Variants in TRANK1 observed in about 807,000 individuals in gnomAD.
The protein encoded by TRANK1 is TPR and ankyrin repeat-containing protein 1.
A neutral mutation model predicts 266.0 loss-of-function variants in TRANK1; 198 were observed. The ratio of observed to expected loss-of-function variants is 0.74; its 90% CI spans 0.66 to 0.84. The LOEUF (loss-of-function observed/expected upper bound fraction) is 0.84. Among genes scored for constraint, TRANK1 ranks in the 40% least tolerant of loss-of-function variants. The pLI is 0.00. For synonymous variants in TRANK1, 1,396 were observed against 1,384.1 expected (o/e 1.01, Z -0.19); for missense variants, 3,326 against 3,634.6 (o/e 0.92, Z 2.18).
At chr3:36,916,973 G>C (rs955185637) in intron 1 of TRANK1, among the ~76,000 whole-genome samples, 1 of 151,794 alleles carries the variant, frequency 6.6e-6, no homozygotes, top group Non-Finnish European at 1.5e-5. Flanking sequence ...ACACCACCAC[G>C]CCTGGCTAAT....
In TRANK1 at chr3:36,831,066, T is replaced by A; in HGVS notation, c.8517A>T (p.Glu2839Asp). Reference protein sequence around the residue: ...RQQVAYQKYSEFFHEKVDPAI... With the variant: ...RQQVAYQKYSDFFHEKVDPAI... The stretch of plus-strand genomic sequence containing the variant: ...CCGGGTCCACCTTCTCGTGGAAAAA[T>A]TCTGAGTATTTCTGGTAGGCCACTT... The change falls in exon 22 of 24, where the codon GAA becomes GAT. Residue 2839 changes from glutamate (E) to aspartate (D), a missense_variant. Physicochemically the swap from Glu to Asp is conservative, Grantham distance 45. Transcript: ENST00000645898. This position sits in a 1 kb window ranked among gnomAD's most constrained non-coding sequence, Gnocchi z 5.0. 6.2e-7 allele frequency: 1 copy of A among 1,613,862 alleles called. No homozygotes were observed. The highest frequency in any genetic ancestry group is 8.5e-7 in the Non-Finnish European group (1 of 1,179,870).
At chr3:36,931,856 G>A (rs1359078671) in intron 1 of TRANK1, among the ~76,000 whole-genome samples, 1 of 152,214 alleles carries the variant, frequency 6.6e-6, no homozygotes, top group African/African-American at 2.4e-5. Flanking sequence ...TGAGGTTACA[G>A]TGAGCTATGA....
Position 36,852,193 on chromosome 3 carries a change from G to A in TRANK1, c.4702C>T (p.Arg1568Ter), listed in dbSNP as rs749821304. ...CSVSDLAILL[R>*]GNKRKTQPIE... is the part of the protein sequence containing the mutation. ...GGCTGAGTTTTCCTTTTATTCCCTC[G>A]TAGCAAAATTGCCAAGTCGCTTACA... is the stretch of plus-strand genomic sequence containing the variant. Residue 1568 changes from arginine to a stop codon, truncating the protein, a stop_gained, in exon 14 of 24, where the codon CGA (arginine) becomes TGA (stop). Coordinates refer to ENST00000645898, the MANE Select transcript of TRANK1 (RefSeq NM_001329998.2). LOFTEE classifies it high-confidence loss of function. The A allele has an allele frequency of 9.9e-6, 16 of 1,608,364 alleles. No homozygotes were observed. The highest frequency in any genetic ancestry group is 1.1e-5 in the South Asian group (1 of 89,508).
chr3:36,890,105 G>A, intron 7 of TRANK1, 145 bp from the exon 8 acceptor site: 1 of 1,092,646 alleles, frequency 9.2e-7, no homozygotes, highest in Non-Finnish European at 1.3e-6. Context: ...AACCAAATGA[G>A]GAATCCAACA....
chr3:36,901,782 G>T (rs1224408824), intron 3 of TRANK1, among the ~76,000 whole-genome samples: 1 of 152,158 alleles, frequency 6.6e-6, no homozygotes, highest in Non-Finnish European at 1.5e-5. Flanking sequence ...AAGTGGCCCT[G>T]GTTGCTGTGC....
At chr3:36,943,720 C>T (rs1012436223) in intron 1 of TRANK1, among the ~76,000 whole-genome samples, 1 of 151,680 alleles carries the variant, frequency 6.6e-6, no homozygotes, top group Non-Finnish European at 1.5e-5. Flanking sequence ...ACCCAAAACG[C>T]TCAGCACGAG....
At chr3:36,923,670 C>T (rs1298000518) in intron 1 of TRANK1, among the ~76,000 whole-genome samples, 1 of 152,140 alleles carries the variant, frequency 6.6e-6, no homozygotes, top group Non-Finnish European at 1.5e-5. Flanking sequence ...AGGAAACTCT[C>T]TCCCCTCTCT....
At position 36,857,092 on chromosome 3, in the gene TRANK1, T is replaced by G. The variant is rs772921874; in HGVS notation, c.2630A>C (p.Lys877Thr). The change falls in exon 13 of 24, where the codon AAG (lysine) becomes ACG (threonine). Residue 877 changes from lysine to threonine, a missense_variant. Transcript: ENST00000645898. The surrounding 1 kb of genome is among the most constrained non-coding windows in gnomAD (Gnocchi z 4.3). ...GCTTCCTTTCAGGTGCTTCAGTCGC[T>G]TCTGCAGGCCCTGGGTCCACTCGCC... ...GNGEWTQGLQ[K>T]RLKHLKGSIQ... 6.2e-7 allele frequency: 1 copy of G among 1,613,924 alleles called. No individual in the cohort carries two copies. Among genetic ancestry groups the G allele is most frequent in the South Asian group, 1.1e-5 (1 of 91,088 alleles).
rs769997930 is a variant in TRANK1, at chr3:36,832,224, T to TA, written c.7358dup (p.Ala2454SerfsTer41). 6 of 1,614,006 alleles carry TA rather than the reference T, an allele frequency of 3.7e-6. No homozygotes were observed. The Admixed American group carries it at 8.3e-5, about 22-fold the overall frequency. ...GGATGAACTGGAACTCCAGGAGGGCTACTGTGTTTCCAATGCTGGGGATGA... is the reference window on the plus strand; with the variant it reads ...GGATGAACTGGAACTCCAGGAGGGCTAACTGTGTTTCCAATGCTGGGGATGA... On this transcript the variant is annotated frameshift_variant, in exon 22 of 24. Coordinates refer to ENST00000645898, the MANE Select transcript of TRANK1 (RefSeq NM_001329998.2). LOFTEE classifies it high-confidence loss of function.
At chr3:36,918,499 GAAAGAAAGAAAGAAA>G (rs2080159058) in intron 1 of TRANK1, among the ~76,000 whole-genome samples, 7 of 28,570 alleles carry the variant, frequency 2.5e-4, no homozygotes, top group South Asian at 1.1e-3. Context: ...AAGAAAGAAA[GAAAGAAAGAAAGAAA>G]GAAAGAAAGA....
In TRANK1 at chr3:36,880,033, C is replaced by T. The variant is rs193094434; in HGVS notation, c.908-5737G>A. ...ATGTAAACATGCAAATATATGTAAA[C>T]ATGCAAATATATGTAAACATACAAA... On this transcript the variant is annotated intron_variant, in intron 8 of 23. Coordinates refer to ENST00000645898, the MANE Select transcript of TRANK1 (RefSeq NM_001329998.2). 8.4e-5 allele frequency among the ~76,000 whole-genome samples: 3 copies of T among 35,576 alleles called. 1 individual carries two copies. The highest frequency in any genetic ancestry group is 3.0e-4 in the African/African-American group (2 of 6,624). The allele number at this position is 35,576 out of a possible 152,430, so 23.3% of individuals were successfully genotyped here.
chr3:36,943,547 C>T (rs894475048), intron 1 of TRANK1, among the ~76,000 whole-genome samples: 1 of 144,290 alleles, frequency 6.9e-6, no homozygotes, highest in African/African-American at 2.6e-5. Context: ...ACCTATCCTG[C>T]AATCCTACAA....
chr3:36,833,410 T>G lies in TRANK1; in HGVS notation c.6173A>C (p.His2058Pro). The change falls in exon 22 of 24, where the codon CAC (histidine) becomes CCC (proline). Residue 2058 changes from histidine to proline, a missense_variant. Transcript: ENST00000645898. ...DAFFKFDTLNHSAGVVEALYE... is the reference protein window; with the variant it reads ...DAFFKFDTLNPSAGVVEALYE... Reference sequence around the variant, plus strand: ...GAGTGCTTCCACCACTCCAGCTGAGTGGTTGAGCGTGTCAAACTTGAAGAA... The same window carrying G: ...GAGTGCTTCCACCACTCCAGCTGAGGGGTTGAGCGTGTCAAACTTGAAGAA... 4 of 1,613,780 alleles carry G rather than the reference T, an allele frequency of 2.5e-6. No individual in the cohort carries two copies. Among genetic ancestry groups the G allele is most frequent in the East Asian group, 4.5e-5 (2 of 44,866 alleles).
rs1432876190 is a variant in TRANK1, at chr3:36,879,742, A to AT, written c.908-5447_908-5446insA. 1.1e-4 allele frequency among the ~76,000 whole-genome samples: 12 copies of AT among 108,406 alleles called. 1 individual carries two copies. Among genetic ancestry groups the AT allele is most frequent in the African/African-American group, 4.9e-4 (12 of 24,340 alleles). 71.1% of individuals were successfully genotyped at this position (108,406 alleles called of 152,430 possible). A position where few individuals can be genotyped will look rare whatever the true frequency, so the allele number is the denominator to read the frequency against. The stretch of plus-strand genomic sequence containing the variant: ...AATATATAAATATATATAAATATAC[A>AT]AATATATAAATATATATAAATATAT... On this transcript the variant is annotated intron_variant, in intron 8 of 23. Coordinates refer to ENST00000645898, the MANE Select transcript of TRANK1 (RefSeq NM_001329998.2).
At chr3:36,905,952 T>A (rs911672275) in intron 2 of TRANK1, among the ~76,000 whole-genome samples, 2 of 152,094 alleles carry the variant, frequency 1.3e-5, no homozygotes, top group African/African-American at 2.4e-5. Context: ...GTCAGGAAGG[T>A]CCCACAAAAG....
In TRANK1 at chr3:36,855,757, G is replaced by T. The variant is rs752511688; in HGVS notation, c.3965C>A (p.Thr1322Lys). The T allele has an allele frequency of 3.7e-6, 6 of 1,613,500 alleles. No homozygotes were observed. The highest frequency in any genetic ancestry group is 5.1e-6 in the Non-Finnish European group (6 of 1,179,832). The change falls in exon 13 of 24, where the codon ACG (threonine) becomes AAG (lysine). Residue 1322 changes from threonine (T) to lysine (K), a missense_variant. By Grantham distance (78) the Thr-to-Lys change is moderately conservative. Transcript: ENST00000645898. ...TATTTCATTTTTGAACACCTCAAAC[G>T]TCACGTACACCCGGGGGTCACTGTC... The part of the protein sequence containing the change: ...TGDSDPRVYV[T>K]FEVFKNEIWP...
chr3:36,929,916 G>GTTA (rs1263683020), intron 1 of TRANK1, among the ~76,000 whole-genome samples: 2 of 151,746 alleles, frequency 1.3e-5, no homozygotes, highest in African/African-American at 4.9e-5. Flanking sequence ...TGTTGTTGTT[G>GTTA]TTGTTTTGAG....
intron 1 of TRANK1, among the ~76,000 whole-genome samples, chr3:36,914,342 C>T (rs992559107): frequency 6.6e-6 from 1 of 151,842 alleles, no homozygotes; most frequent in Non-Finnish European, 1.5e-5. Context: ...ACCATGTTGG[C>T]CAGGCTGGTC....
intron 5 of TRANK1, among the ~76,000 whole-genome samples, chr3:36,894,111 G>A (rs2079752394): frequency 6.6e-6 from 1 of 152,338 alleles, no homozygotes; most frequent in East Asian, 1.9e-4. Context: ...AATTACCAGA[G>A]CCTCACTGCA....
Sources: allele counts gnomAD v4.1 joint callset (sites outside exome capture counted in the v4.1 genomes callset), GRCh38; gene constraint gnomAD v4.1.1; non-coding constraint Gnocchi (gnomAD v3.1); transcripts MANE v1.5; gene names NCBI Gene and HGNC (gene_info 2026-07-23, HGNC 2026-07-21).